TTLL3: variants seen among roughly 807,000 people sequenced by gnomAD.
TTLL3 encodes the protein tubulin monoglycylase TTLL3.
TTLL3 carries 63 observed loss-of-function variants against 75.2 expected under a neutral mutation model. The ratio of observed to expected loss-of-function variants is 0.84; its 90% CI spans 0.68 to 1.03. The LOEUF is 1.03. TTLL3 is among the 50% of genes least tolerant of loss of function. TTLL3 has a pLI of 0.00. For synonymous variants in TTLL3, 393 were observed against 418.5 expected (o/e 0.94, Z 0.74); for missense variants, 997 against 1,069.9 (o/e 0.93, Z 0.95).
chr3:9,821,560 CG>C (rs2080411793), intron 8 of TTLL3, among the ~76,000 whole-genome samples: 1 of 152,082 alleles, frequency 6.6e-6, no homozygotes, highest in African/African-American at 2.4e-5. Context: ...TAGGGGAAAC[CG>C]AAGAACTAAT....
At chr3:9,818,626 C>T (rs752132928) in intron 6 of TTLL3, 196 bp from the exon 7 acceptor site, 18 of 1,403,058 alleles carry the variant, frequency 1.3e-5, no homozygotes, top group Non-Finnish European at 1.7e-5. Flanking sequence ...CCTCAGCCTC[C>T]CAAAGTGCTG....
At chr3:9,814,169 T>TAAC (rs1354720736) in intron 4 of TTLL3, among the ~76,000 whole-genome samples, 7 of 150,072 alleles carry the variant, frequency 4.7e-5, no homozygotes, top group African/African-American at 9.8e-5. Flanking sequence ...AACAAACAAA[T>TAAC]AACAACAACA....
Position 9,829,146 on chromosome 3 carries a change from A to G in TTLL3, c.1434A>G (p.Ala478=), listed in dbSNP as rs2081310161. The part of the protein sequence containing the change: ...VPGMKDAVIH[A]LQTSQDTVQC... ...GCATGAAGGATGCTGTGATCCACGC[A>G]CTTCAGACCTCCCAGGACACCGTGC... Residue 478 remains alanine (A), a synonymous_variant, in exon 11 of 14, where the codon GCA becomes GCG. Coordinates refer to ENST00000685419, the MANE Select transcript of TTLL3 (RefSeq NM_001387446.1). The G allele has an allele frequency of 6.2e-7, 1 of 1,614,180 alleles. No individual in the cohort carries two copies. The highest frequency in any genetic ancestry group is 8.5e-7 in the Non-Finnish European group (1 of 1,180,016).
chr3:9,810,585 CAG>C lies in TTLL3; in HGVS notation c.-41-35_-41-34del, dbSNP rs750601745. The C allele has an allele frequency of 2.6e-6, 4 of 1,547,012 alleles. No individual in the cohort carries two copies. In the East Asian group the frequency reaches 9.8e-5, roughly 38 times the overall value. ...TAGGCCGAGACCCTAGGCCCAGCCT[CAG>C]TGTACCCCGCCCCTATTCCGCATCT... On this transcript the variant is annotated intron_variant, in intron 1 of 13. Coordinates refer to ENST00000685419, the MANE Select transcript of TTLL3 (RefSeq NM_001387446.1). This position sits in a 1 kb window ranked among gnomAD's most constrained non-coding sequence, Gnocchi z 4.4.
At chr3:9,830,982 T>C (rs1223750607) in intron 11 of TTLL3, among the ~76,000 whole-genome samples, 2 of 152,098 alleles carry the variant, frequency 1.3e-5, no homozygotes, top group African/African-American at 4.8e-5. Flanking sequence ...TTTTGTATTT[T>C]AGTAGAGATG....
rs918133083 is a variant in TTLL3 at position 9,834,775 on chromosome 3, C to T, written c.1920C>T (p.Ser640=). ...GCCAGGTCCTCAGACGACAGCACAG[C>T]AAGCTGGTGGGCACTAAGGCCCTGT... is the stretch of plus-strand genomic sequence containing the variant. ...HQGQVLRRQH[S]KLVGTKALST... is the part of the protein sequence containing the mutation. The change falls in exon 13 of 14, where the codon AGC becomes AGT. Residue 640 remains serine (S), a synonymous_variant. Coordinates refer to ENST00000685419, the MANE Select transcript of TTLL3 (RefSeq NM_001387446.1). The T allele has an allele frequency of 6.2e-7, 1 of 1,614,138 alleles. No individual in the cohort carries two copies. Among genetic ancestry groups the T allele is most frequent in the African/African-American group, 1.3e-5 (1 of 74,942 alleles).
chr3:9,825,736 C>G (rs547362170), intron 8 of TTLL3, 64 bp from the exon 9 acceptor site: 4 of 1,613,488 alleles, frequency 2.5e-6, no homozygotes, highest in East Asian at 2.2e-5. Flanking sequence ...ATATATCTCC[C>G]CCTGCCCTCT....
At chr3:9,819,380 T>A (rs1037409504) in intron 7 of TTLL3, 1 of 399,084 alleles carries the variant, frequency 2.5e-6, no homozygotes, top group Non-Finnish European at 3.5e-6. Context: ...TAGACACTTG[T>A]CTTCCCATCC....
chr3:9,822,059 T>G (rs1575385322), intron 8 of TTLL3, among the ~76,000 whole-genome samples: 2 of 103,214 alleles, frequency 1.9e-5, no homozygotes, highest in East Asian at 3.6e-4. Flanking sequence ...GAAGCACGAG[T>G]CCCTTTTTTT....
intron 4 of TTLL3, among the ~76,000 whole-genome samples, chr3:9,815,074 C>G (rs1234391505): frequency 6.6e-6 from 1 of 151,416 alleles, no homozygotes; most frequent in East Asian, 2.0e-4. Flanking sequence ...CCCGCCTCTA[C>G]TAAAAATACA....
chr3:9,822,732 GTATTATATA>G (rs2080578245), intron 8 of TTLL3, among the ~76,000 whole-genome samples: 1 of 103,510 alleles, frequency 9.7e-6, no homozygotes. Context: ...TATATATTAT[GTATTATATA>G]TATTATAATA....
chr3:9,827,549 T>C (rs1160818545), intron 10 of TTLL3: 4 of 337,454 alleles, frequency 1.2e-5, no homozygotes, highest in Non-Finnish European at 2.2e-5. Context: ...ACCACAGGCA[T>C]GTACCACAGC....
chr3:9,833,079 C>T (rs752432842), intron 11 of TTLL3, 25 bp from the exon 12 acceptor site: 74 of 1,613,568 alleles, frequency 4.6e-5, no homozygotes, highest in Non-Finnish European at 5.8e-5. Context: ...ACTGAGTGGG[C>T]CTTGTCTCCT....
chr3:9,826,335 A>T (rs528734696), intron 9 of TTLL3, among the ~76,000 whole-genome samples: 1 of 152,200 alleles, frequency 6.6e-6, no homozygotes, highest in Non-Finnish European at 1.5e-5. Context: ...AGACAAGGAG[A>T]TACATTTTTT....
rs1364928684 is a variant in TTLL3, at chr3:9,829,127, A to G, written c.1415A>G (p.Lys472Arg). Reference protein sequence around the residue: ...AWSTIIVPGMKDAVIHALQTS... With the variant: ...AWSTIIVPGMRDAVIHALQTS... ...TCCACCATCATCGTGCCTGGCATGA[A>G]GGATGCTGTGATCCACGCACTTCAG... The change falls in exon 11 of 14, where the codon AAG (lysine) becomes AGG (arginine). Residue 472 changes from lysine (K) to arginine (R), a missense_variant. Transcript: ENST00000685419. 6.2e-7 allele frequency: 1 copy of G among 1,614,138 alleles called. No homozygotes were observed. The highest frequency in any genetic ancestry group is 1.7e-5 in the Admixed American group (1 of 60,018).
At chr3:9,826,920 A>G in intron 9 of TTLL3, 77 bp from the exon 10 acceptor site, 2 of 1,595,416 alleles carry the variant, frequency 1.3e-6, no homozygotes, top group Non-Finnish European at 1.7e-6. Context: ...CCGAGGGGAC[A>G]AGAGCTCATG....
intron 4 of TTLL3, 85 bp downstream of exon 4, chr3:9,813,430 G>A (rs1206445986): frequency 3.4e-6 from 5 of 1,475,218 alleles, no homozygotes; most frequent in Non-Finnish European, 4.7e-6. Flanking sequence ...CCTCAGACAA[G>A]TCCTTTCTTT....
Position 9,835,546 on chromosome 3 carries a change from A to G in TTLL3, c.*57A>G, listed in dbSNP as rs543387246. 2,090 of 1,491,798 alleles carry G rather than the reference A, an allele frequency of 1.4e-3. 9 individuals carry two copies. Among genetic ancestry groups the G allele is most frequent in the South Asian group, 5.2e-3 (383 of 73,570 alleles). The allele number at this position is 1,491,798 out of a possible 1,614,324, so 92.4% of individuals were successfully genotyped here. A position where few individuals can be genotyped will look rare whatever the true frequency, so the allele number is the denominator to read the frequency against. ...CCAGAATTCCCACCTAAGGACAGAC[A>G]TGGGGCTTCCTATTTAGGGACTCCC... On this transcript the variant is annotated 3_prime_UTR_variant, in exon 14 of 14. Coordinates refer to ENST00000685419, the MANE Select transcript of TTLL3 (RefSeq NM_001387446.1).
chr3:9,824,741 T>C (rs1333339812), intron 8 of TTLL3, among the ~76,000 whole-genome samples: 2 of 138,440 alleles, frequency 1.4e-5, no homozygotes, highest in East Asian at 2.1e-4. Flanking sequence ...TCTTTTCTTT[T>C]TTTTTTTTTT....
Sources: allele counts gnomAD v4.1 joint callset (sites outside exome capture counted in the v4.1 genomes callset), GRCh38; gene constraint gnomAD v4.1.1; non-coding constraint Gnocchi (gnomAD v3.1); transcripts MANE v1.5; gene names NCBI Gene and HGNC (gene_info 2026-07-23, HGNC 2026-07-21).